SPMIP7: variants seen among roughly 807,000 people sequenced by gnomAD.
The protein encoded by SPMIP7 is sperm microtubule inner protein 7.
At chr7:50,159,042 C>G in the SPMIP7 span, 3 of 1,551,786 alleles carry the variant, frequency 1.9e-6, no homozygotes, top group African/African-American at 1.4e-5. Context: ...CCATCCTGCC[C>G]CAGCGTCTTC....
the SPMIP7 span, among the ~76,000 whole-genome samples, chr7:50,099,867 C>T: frequency 1.3e-5 from 2 of 152,124 alleles, no homozygotes; most frequent in Non-Finnish European, 2.9e-5. Flanking sequence ...GCCCAGGCTA[C>T]CTTCTCCATC....
chr7:50,121,664 C>CT, the SPMIP7 span, among the ~76,000 whole-genome samples: 1 of 147,924 alleles, frequency 6.8e-6, no homozygotes, highest in African/African-American at 2.5e-5. Context: ...TTTTTCTTTT[C>CT]TTTTTTTGAG....
At chr7:50,100,847 G>C in the SPMIP7 span, among the ~76,000 whole-genome samples, 3 of 31,872 alleles carry the variant, frequency 9.4e-5, no homozygotes, top group African/African-American at 2.7e-4. Context: ...AAATAAATAT[G>C]AAAATAAAAT....
chr7:50,097,611 T>A, the SPMIP7 span, among the ~76,000 whole-genome samples: 2 of 151,804 alleles, frequency 1.3e-5, no homozygotes, highest in African/African-American at 2.4e-5. Flanking sequence ...TCTTTATGCC[T>A]GTGTATCCTT....
chr7:50,146,419 T>C, the SPMIP7 span, among the ~76,000 whole-genome samples: 2 of 152,208 alleles, frequency 1.3e-5, no homozygotes, highest in Non-Finnish European at 2.9e-5. Context: ...GTTATACTGT[T>C]TCTACATTCC....
chr7:50,120,390 C>T, the SPMIP7 span: 1 of 152,104 alleles, frequency 6.6e-6, no homozygotes, highest in Non-Finnish European at 1.5e-5. Flanking sequence ...GGGAAGAAGC[C>T]ACTCTCCTGA....
At chr7:50,134,066 A>G in the SPMIP7 span, 3 of 1,485,030 alleles carry the variant, frequency 2.0e-6, no homozygotes, top group Non-Finnish European at 1.8e-6. Flanking sequence ...TTACCAATTG[A>G]ATATGCTTTT....
chr7:50,135,272 G>T, the SPMIP7 span, among the ~76,000 whole-genome samples: 1 of 152,060 alleles, frequency 6.6e-6, no homozygotes, highest in Non-Finnish European at 1.5e-5. Context: ...ATCTTTTTGT[G>T]CCACTTCTCA....
the SPMIP7 span, among the ~76,000 whole-genome samples, chr7:50,148,649 G>A: frequency 6.6e-6 from 1 of 152,176 alleles, no homozygotes; most frequent in Non-Finnish European, 1.5e-5. Flanking sequence ...ACTTACAGCT[G>A]CACTTTTCCA....
the SPMIP7 span, chr7:50,159,011 C>T: frequency 6.5e-7 from 1 of 1,547,686 alleles, no homozygotes; most frequent in South Asian, 1.2e-5. Flanking sequence ...TCTTTTATGT[C>T]TCATTTTCCT....
At chr7:50,117,288 A>AT in the SPMIP7 span, 1 of 455,884 alleles carries the variant, frequency 2.2e-6, no homozygotes, top group Middle Eastern at 3.3e-4. Context: ...CCAATCACAT[A>AT]TTATAGCCTG....
chr7:50,158,986 G>C, the SPMIP7 span: 1 of 1,516,514 alleles, frequency 6.6e-7, no homozygotes, highest in Non-Finnish European at 8.9e-7. Flanking sequence ...GGATGAGGTT[G>C]TGTATTTGTA....
chr7:50,117,226 T>A, the SPMIP7 span: 2 of 455,500 alleles, frequency 4.4e-6, no homozygotes, highest in Non-Finnish European at 8.8e-6. Context: ...TTCATGAAAA[T>A]AACATTCAGG....
chr7:50,146,797 C>T, the SPMIP7 span, among the ~76,000 whole-genome samples: 1 of 152,212 alleles, frequency 6.6e-6, no homozygotes, highest in African/African-American at 2.4e-5. Context: ...CCACTTTCTG[C>T]TCCCCTTGCC....
the SPMIP7 span, chr7:50,141,727 CTTTT>C: frequency 1.6e-4 from 12 of 76,948 alleles, no homozygotes; most frequent in South Asian, 2.9e-3. Flanking sequence ...AGAGGAATCA[CTTTT>C]TTTTTTTTTT....
the SPMIP7 span, among the ~76,000 whole-genome samples, chr7:50,145,623 TA>T: frequency 1.6e-5 from 1 of 63,270 alleles, no homozygotes; most frequent in South Asian, 5.5e-4. Context: ...TGTGTGTATA[TA>T]TATATATATA....
chr7:50,135,017 C>T, the SPMIP7 span, among the ~76,000 whole-genome samples: 1 of 152,170 alleles, frequency 6.6e-6, no homozygotes, highest in Admixed American at 6.6e-5. Context: ...AAACATCACC[C>T]CACAGTGTAC....
the SPMIP7 span, among the ~76,000 whole-genome samples, chr7:50,111,014 A>G: frequency 1.4e-5 from 2 of 144,454 alleles, no homozygotes; most frequent in African/African-American, 2.5e-5. Context: ...TATCTTTATT[A>G]TATATAAAAT....
the SPMIP7 span, among the ~76,000 whole-genome samples, chr7:50,120,730 T>A: frequency 6.6e-6 from 1 of 152,180 alleles, no homozygotes; most frequent in Non-Finnish European, 1.5e-5. Flanking sequence ...ATTTTTCTCA[T>A]CTCTGTGTTT....
Sources: gnomAD v4.1 joint callset for allele counts (sites outside exome capture counted in the v4.1 genomes callset) on GRCh38, gnomAD v4.1.1 for gene constraint, MANE v1.5 for transcripts, NCBI Gene and HGNC (gene_info 2026-07-23, HGNC 2026-07-21) for gene names.